Variants in RTTN observed in about 807,000 individuals in gnomAD.
RTTN encodes rotatin.
RTTN carries 182 observed loss-of-function variants against 269.2 expected under a neutral mutation model. The observed-to-expected ratio is 0.68, with a 90% CI of 0.60 to 0.76. The LOEUF (loss-of-function observed/expected upper bound fraction) is 0.76. Among genes scored for constraint, RTTN ranks in the 30% least tolerant of loss-of-function variants. RTTN has a pLI of 0.00. For missense variants in RTTN, 2,545 were observed against 2,608.6 expected, an observed-to-expected ratio of 0.98 and a Z score of 0.53; for synonymous variants, 1,006 against 963.5, an observed-to-expected ratio of 1.04 and a Z score of -0.82.
intron 28 of RTTN, among the ~76,000 whole-genome samples, chr18:70,094,587 T>G (rs553948431): frequency 2.0e-5 from 3 of 152,274 alleles, no homozygotes; most frequent in South Asian, 4.2e-4. Flanking sequence ...CATGTAGTTG[T>G]GCGGTTTGTA....
chr18:70,124,916 T>C (rs2059826646), intron 25 of RTTN, among the ~76,000 whole-genome samples: 1 of 152,030 alleles, frequency 6.6e-6, no homozygotes, highest in South Asian at 2.1e-4. Context: ...TAGAGAGGCA[T>C]TAAACATGCA....
intron 26 of RTTN, among the ~76,000 whole-genome samples, chr18:70,119,503 G>C (rs2059683485): frequency 6.6e-6 from 1 of 151,916 alleles, no homozygotes; most frequent in Non-Finnish European, 1.5e-5. Context: ...GGGAGGAAAA[G>C]AAAGGACAGG....
intron 18 of RTTN, among the ~76,000 whole-genome samples, chr18:70,142,918 G>A (rs1009448443): frequency 1.3e-5 from 2 of 152,142 alleles, no homozygotes; most frequent in Non-Finnish European, 2.9e-5. Context: ...CCAGCTACTC[G>A]GGAGGCTGAG....
At chr18:70,063,504 T>C (rs1488316614) in intron 35 of RTTN, among the ~76,000 whole-genome samples, 1 of 152,140 alleles carries the variant, frequency 6.6e-6, no homozygotes, top group Non-Finnish European at 1.5e-5. Flanking sequence ...TGTTCGAGAC[T>C]ACAATGAGCT....
At chr18:70,036,507 C>T (rs2057175864) in intron 40 of RTTN, among the ~76,000 whole-genome samples, 1 of 152,062 alleles carries the variant, frequency 6.6e-6, no homozygotes, top group African/African-American at 2.4e-5. Context: ...AGCACCGGGA[C>T]ACAAAGAGGG....
chr18:70,145,542 T>C, intron 18 of RTTN, 70 bp downstream of exon 18: 1 of 1,191,670 alleles, frequency 8.4e-7, no homozygotes, highest in Admixed American at 2.5e-5. Flanking sequence ...CTGAAGAATG[T>C]CACATAAAAT....
At chr18:70,102,801 A>G (rs1386145120) in intron 28 of RTTN, among the ~76,000 whole-genome samples, 1 of 152,224 alleles carries the variant, frequency 6.6e-6, no homozygotes, top group African/African-American at 2.4e-5. Flanking sequence ...GCTTGTCTGT[A>G]AAAGATTTTA....
chr18:70,066,435 T>C (rs1052922108), intron 34 of RTTN, among the ~76,000 whole-genome samples: 2 of 152,194 alleles, frequency 1.3e-5, no homozygotes, highest in Admixed American at 1.3e-4. Context: ...TGCTTCAGAA[T>C]ACAACATTAA....
At chr18:70,149,282 T>G (rs778424083) in intron 16 of RTTN, among the ~76,000 whole-genome samples, 11 of 152,110 alleles carry the variant, frequency 7.2e-5, no homozygotes, top group Non-Finnish European at 1.3e-4. Flanking sequence ...TGACACTTGC[T>G]GATTTTTCTA....
At chr18:70,110,702 G>A (rs759166634) in intron 27 of RTTN, among the ~76,000 whole-genome samples, 5 of 152,188 alleles carry the variant, frequency 3.3e-5, no homozygotes, top group Admixed American at 6.5e-5. Flanking sequence ...GAACAGCAGC[G>A]AGACAGAAGT....
chr18:70,057,891 T>G, intron 36 of RTTN, 59 bp from the exon 37 acceptor site: 1 of 1,226,154 alleles, frequency 8.2e-7, no homozygotes, highest in Non-Finnish European at 1.2e-6. Flanking sequence ...TATTAAAGAT[T>G]AAGAAATCAG....
intron 19 of RTTN, among the ~76,000 whole-genome samples, chr18:70,141,209 G>C (rs2060249055): frequency 6.6e-6 from 1 of 151,952 alleles, no homozygotes; most frequent in Admixed American, 6.6e-5. Flanking sequence ...TCTCATTCCA[G>C]TTTCCACTAA....
At chr18:70,147,422 T>C (rs146114579) in intron 17 of RTTN, among the ~76,000 whole-genome samples, 134 of 152,268 alleles carry the variant, frequency 8.8e-4, no homozygotes, top group Admixed American at 2.5e-3. Context: ...TGTATGTAGT[T>C]AAGTTATTAT....
chr18:70,126,507 A>G (rs1386132248), intron 25 of RTTN, among the ~76,000 whole-genome samples: 1 of 152,134 alleles, frequency 6.6e-6, no homozygotes, highest in East Asian at 1.9e-4. Context: ...GAAGAGATGC[A>G]CAGTGGTACT....
At chr18:70,140,590 T>C (rs1411544704) in intron 19 of RTTN, among the ~76,000 whole-genome samples, 2 of 152,112 alleles carry the variant, frequency 1.3e-5, no homozygotes, top group Non-Finnish European at 2.9e-5. Context: ...AGCTCATGTG[T>C]AAAATATGAC....
chr18:70,035,185 C>A (rs1304699532), intron 40 of RTTN, among the ~76,000 whole-genome samples: 1 of 152,122 alleles, frequency 6.6e-6, no homozygotes, highest in Admixed American at 6.6e-5. Flanking sequence ...AACCACCAAT[C>A]ACATTCTTCA....
chr18:70,052,885 T>C (rs1480130083), intron 38 of RTTN, among the ~76,000 whole-genome samples: 1 of 152,194 alleles, frequency 6.6e-6, no homozygotes, highest in Non-Finnish European at 1.5e-5. Flanking sequence ...CATTTTTTCC[T>C]TTCAGCGCTT....
At chr18:70,163,390 A>G (rs2060900558) in intron 14 of RTTN, among the ~76,000 whole-genome samples, 1 of 152,262 alleles carries the variant, frequency 6.6e-6, no homozygotes, top group South Asian at 2.1e-4. Context: ...CAAAAAAAAA[A>G]AAAATCCAGA....
intron 46 of RTTN, among the ~76,000 whole-genome samples, chr18:70,010,857 G>T (rs2056349745): frequency 6.6e-6 from 1 of 151,000 alleles, no homozygotes; most frequent in Non-Finnish European, 1.5e-5. Flanking sequence ...TAATAAAGAA[G>T]AAAAGAGAGA....
Sources: allele counts gnomAD v4.1 joint callset (sites outside exome capture counted in the v4.1 genomes callset), GRCh38; gene constraint gnomAD v4.1.1; transcripts MANE v1.5; gene names NCBI Gene and HGNC (gene_info 2026-07-23, HGNC 2026-07-21).